Variants in ARL3 observed in about 807,000 individuals in gnomAD.
ARL3 encodes ADP-ribosylation factor-like protein 3.
ARL3 carries 9 observed loss-of-function variants against 26.0 expected under a neutral mutation model. The ratio of observed to expected loss-of-function variants is 0.35; its 90% confidence interval spans 0.21 to 0.60. The LOEUF (loss-of-function observed/expected upper bound fraction) is 0.60. ARL3 is among the 20% of genes least tolerant of loss of function. ARL3 has a pLI of 0.78. For synonymous variants in ARL3, 71 were observed against 78.4 expected, an observed-to-expected ratio of 0.91 and a Z score of 0.50; for missense variants, 158 against 215.7, an observed-to-expected ratio of 0.73 and a Z score of 1.67.
intron 2 of ARL3, among the ~76,000 whole-genome samples, chr10:102,704,151 C>CAAAAAA (rs56326932): frequency 4.3e-5 from 2 of 46,092 alleles, no homozygotes; most frequent in Non-Finnish European, 7.4e-5. Flanking sequence ...ACTCTGTCTC[C>CAAAAAA]AAAAAAAAAA....
intron 4 of ARL3, among the ~76,000 whole-genome samples, chr10:102,688,105 T>C (rs1447935814): frequency 2.0e-5 from 3 of 152,238 alleles, no homozygotes; most frequent in African/African-American, 7.2e-5. Context: ...TCCCTGATAT[T>C]TAGGTTATAG....
chr10:102,700,181 C>T lies in ARL3; in HGVS notation c.148-692G>A, dbSNP rs550213678. Among the ~76,000 whole-genome samples the T allele has an allele frequency of 1.2e-4, 18 of 152,110 alleles. No homozygotes were observed. In the South Asian group the frequency reaches 3.3e-3, roughly 28 times the overall value. ...ATCCCAGCACTCTGGGAGGCCGAGG[C>T]GGATGGATCAGGAGGTCAGGAGTTC... On this transcript the variant is annotated intron_variant, in intron 2 of 5. Coordinates refer to ENST00000260746, the MANE Select transcript of ARL3 (RefSeq NM_004311.4).
At chr10:102,679,040 G>A (rs1292108753) in intron 5 of ARL3, among the ~76,000 whole-genome samples, 1 of 152,242 alleles carries the variant, frequency 6.6e-6, no homozygotes, top group Non-Finnish European at 1.5e-5. Context: ...GTAAACAGGG[G>A]ACCGAGCCCT....
chr10:102,674,290 T>A lies in ARL3; in HGVS notation c.*2604A>T, dbSNP rs2064119323. 2 of 152,200 alleles carry A rather than the reference T, an allele frequency of 1.3e-5. No individual in the cohort carries two copies. The highest frequency in any genetic ancestry group is 4.8e-5 in the African/African-American group (2 of 41,416). 9.4% of individuals were successfully genotyped at this position (152,200 alleles called of 1,614,324 possible). The stretch of plus-strand genomic sequence containing the variant: ...GCTGTGCACCGACATGTTCCCCAGC[T>A]CAGCCCACATCAATGACACCCTTGT... On this transcript the variant is annotated 3_prime_UTR_variant, in exon 6 of 6. Coordinates refer to ENST00000260746, the MANE Select transcript of ARL3 (RefSeq NM_004311.4).
At chr10:102,699,344 T>C (rs1034411454) in intron 3 of ARL3, 29 bp downstream of exon 3, 3 of 1,346,394 alleles carry the variant, frequency 2.2e-6, no homozygotes, top group South Asian at 1.2e-5. Context: ...GAAAATACTA[T>C]GAATTAGTGC....
At chr10:102,710,502 T>C (rs1332560507) in intron 1 of ARL3, among the ~76,000 whole-genome samples, 1 of 152,244 alleles carries the variant, frequency 6.6e-6, no homozygotes, top group Non-Finnish European at 1.5e-5. Context: ...AAATTTATCA[T>C]AGGGCTGAGT....
intron 5 of ARL3, among the ~76,000 whole-genome samples, chr10:102,684,504 T>C (rs2064172099): frequency 6.6e-6 from 1 of 152,114 alleles, no homozygotes; most frequent in Non-Finnish European, 1.5e-5. Flanking sequence ...CATGCTGAAG[T>C]GGTTTTCAGA....
intron 5 of ARL3, among the ~76,000 whole-genome samples, chr10:102,677,372 C>T (rs945664193): frequency 5.9e-5 from 9 of 152,190 alleles, no homozygotes; most frequent in Admixed American, 2.0e-4. Flanking sequence ...TGACAGTGTA[C>T]ACTTGGGTTA....
At chr10:102,680,368 A>G (rs2064150416) in intron 5 of ARL3, among the ~76,000 whole-genome samples, 1 of 152,162 alleles carries the variant, frequency 6.6e-6, no homozygotes. Context: ...CCCCTGACCA[A>G]TCTTGCTGAA....
At chr10:102,711,619 T>A (rs187038761) in intron 1 of ARL3, among the ~76,000 whole-genome samples, 76 of 151,788 alleles carry the variant, frequency 5.0e-4, no homozygotes, top group African/African-American at 1.5e-3. Flanking sequence ...TAGCCGGGCG[T>A]GGTGGCGGGC....
chr10:102,677,717 A>C (rs1426163475), intron 5 of ARL3, among the ~76,000 whole-genome samples: 1 of 152,154 alleles, frequency 6.6e-6, no homozygotes, highest in Non-Finnish European at 1.5e-5. Flanking sequence ...TTTGGAGCCA[A>C]ACCTGGACAC....
At chr10:102,684,118 C>A (rs79305676) in intron 5 of ARL3, among the ~76,000 whole-genome samples, 4,516 of 152,194 alleles carry the variant, frequency 0.03, 96 homozygotes, top group Non-Finnish European at 0.045. Context: ...TCATAATAGC[C>A]CCCAACCTCA....
Position 102,673,873 on chromosome 10 carries a change from T to G in ARL3, c.*3021A>C, listed in dbSNP as rs1278310732. 6.6e-6 allele frequency: 1 copy of G among 152,304 alleles called. No individual in the cohort carries two copies. The highest frequency in any genetic ancestry group is 1.5e-5 in the Non-Finnish European group (1 of 68,014). 9.4% of individuals were successfully genotyped at this position (152,304 alleles called of 1,614,324 possible). A position where few individuals can be genotyped will look rare whatever the true frequency, so the allele number is the denominator to read the frequency against. On this transcript the variant is annotated 3_prime_UTR_variant, in exon 6 of 6. Transcript: ENST00000260746. ...TATAAAAAAAGAACCTTTTGATGGA[T>G]CAGACTGAACCCTGAAACCACATGG...
chr10:102,698,689 G>A (rs955989188), intron 3 of ARL3, among the ~76,000 whole-genome samples: 2 of 152,180 alleles, frequency 1.3e-5, no homozygotes, highest in African/African-American at 2.4e-5. Flanking sequence ...GGTCCTAAAG[G>A]AAGTGACAGC....
chr10:102,714,205 G>A, intron 1 of ARL3, 68 bp downstream of exon 1: 2 of 1,309,446 alleles, frequency 1.5e-6, no homozygotes, highest in Non-Finnish European at 2.0e-6. Flanking sequence ...GCAGTGCTCC[G>A]CCCTGGGCCT....
At chr10:102,688,729 C>T (rs1305078026) in intron 4 of ARL3, among the ~76,000 whole-genome samples, 1 of 152,062 alleles carries the variant, frequency 6.6e-6, no homozygotes, top group Non-Finnish European at 1.5e-5. Context: ...TCTTGATCTC[C>T]TGACTGCAAG....
intron 5 of ARL3, among the ~76,000 whole-genome samples, chr10:102,679,671 C>T (rs1468706545): frequency 6.6e-6 from 1 of 152,148 alleles, no homozygotes. Flanking sequence ...AAAACAGGGG[C>T]CTGAGACTGG....
chr10:102,711,140 C>T (rs2064336614), intron 1 of ARL3, among the ~76,000 whole-genome samples: 1 of 152,158 alleles, frequency 6.6e-6, no homozygotes, highest in South Asian at 2.1e-4. Flanking sequence ...AAATTGAGAA[C>T]TTAATCCAAA....
intron 1 of ARL3, among the ~76,000 whole-genome samples, chr10:102,708,341 G>A (rs1219495247): frequency 6.6e-6 from 1 of 151,980 alleles, no homozygotes; most frequent in Non-Finnish European, 1.5e-5. Context: ...GATCCTTAGG[G>A]GACTGGTGAC....
Sources: gnomAD v4.1 joint callset for allele counts (sites outside exome capture counted in the v4.1 genomes callset) on GRCh38, gnomAD v4.1.1 for gene constraint, MANE v1.5 for transcripts, NCBI Gene and HGNC (gene_info 2026-07-23, HGNC 2026-07-21) for gene names.